Variants in NADSYN1 observed in about 807,000 individuals in gnomAD.
NADSYN1 encodes glutamine-dependent NAD(+) synthetase.
A neutral mutation model predicts 99.3 loss-of-function variants in NADSYN1; 80 were observed. The observed-to-expected ratio is 0.81, with a 90% CI of 0.67 to 0.97. The LOEUF (loss-of-function observed/expected upper bound fraction) is 0.97, where lower values mean the gene tolerates loss of function less well. NADSYN1 is among the 50% of genes least tolerant of loss of function. NADSYN1 has a pLI of 0.00. For missense variants in NADSYN1, 859 were observed against 948.5 expected (o/e 0.91, Z 1.24); for synonymous variants, 385 against 372.1 (o/e 1.03, Z -0.40).
intron 3 of NADSYN1, 67 bp from the exon 4 acceptor site, chr11:71,463,365 G>A (rs889910630): frequency 2.1e-5 from 29 of 1,394,900 alleles, no homozygotes; most frequent in Admixed American, 1.5e-4. Context: ...AGCTGCAGCC[G>A]CTGCCTCCAT....
At chr11:71,485,374 G>T (rs1229220213) in intron 15 of NADSYN1, 168 bp from the exon 16 acceptor site, 5 of 521,424 alleles carry the variant, frequency 9.6e-6, no homozygotes, top group Non-Finnish European at 1.7e-5. Context: ...GGACCACCCC[G>T]AGAGGAAGGC....
chr11:71,469,666 G>T (rs1949614374), intron 5 of NADSYN1, among the ~76,000 whole-genome samples: 1 of 152,204 alleles, frequency 6.6e-6, no homozygotes, highest in African/African-American at 2.4e-5. Flanking sequence ...CGCCTTAAGT[G>T]GTTTTCCGCC....
At chr11:71,489,174 G>A (rs1354670092) in intron 16 of NADSYN1, among the ~76,000 whole-genome samples, 1 of 152,110 alleles carries the variant, frequency 6.6e-6, no homozygotes, top group Non-Finnish European at 1.5e-5. Flanking sequence ...GATTTCAGCT[G>A]ATGGAAGTGA....
intron 16 of NADSYN1, among the ~76,000 whole-genome samples, chr11:71,489,360 C>T (rs1391968779): frequency 1.3e-5 from 2 of 152,116 alleles, no homozygotes; most frequent in East Asian, 3.9e-4. Flanking sequence ...CCCCTATAAC[C>T]GTGCCTCCCC....
rs775841366 is a variant in NADSYN1 at position 71,501,347 on chromosome 11, G to C, written c.2116G>C (p.Asp706His). Residue 706 changes from aspartate to histidine, a missense_variant, in exon 21 of 21, where the codon GAC becomes CAC. Transcript: ENST00000319023. ...RAEPQSLDGV[D>H] The stretch of plus-strand genomic sequence containing the variant: ...AGAGCCACAGTCCCTGGACGGCGTG[G>C]ACTGAGGCCGGTTCCTTCCTGGAGG... The C allele has an allele frequency of 6.2e-7, 1 of 1,605,754 alleles. No individual in the cohort carries two copies. The highest frequency in any genetic ancestry group is 8.5e-7 in the Non-Finnish European group (1 of 1,176,518).
Position 71,501,588 on chromosome 11 carries a change from T to A in NADSYN1, c.*236T>A. 1.9e-6 allele frequency: 1 copy of A among 531,598 alleles called. No individual in the cohort carries two copies. Among genetic ancestry groups the A allele is most frequent in the Non-Finnish European group, 3.3e-6 (1 of 301,346 alleles). The allele number at this position is 531,598 out of a possible 1,614,324, so 32.9% of individuals were successfully genotyped here. On this transcript the variant is annotated 3_prime_UTR_variant, in exon 21 of 21. Coordinates refer to ENST00000319023, the MANE Select transcript of NADSYN1 (RefSeq NM_018161.5). ...TTTTGACCTCCCGCCAGCGTGCGCT[T>A]CCCCGCGAAGTCTGGCATTCTCCGA...
At chr11:71,473,520 G>T in intron 7 of NADSYN1, 49 bp from the exon 8 acceptor site, 1 of 1,568,826 alleles carries the variant, frequency 6.4e-7, no homozygotes, top group South Asian at 1.1e-5. Context: ...AGGGAGGCTG[G>T]TTTGGAGGAG....
At chr11:71,472,881 C>T (rs1949636919) in intron 6 of NADSYN1, among the ~76,000 whole-genome samples, 1 of 152,250 alleles carries the variant, frequency 6.6e-6, no homozygotes, top group Admixed American at 6.5e-5. Context: ...GGAAGGCACC[C>T]TGGTGTCCCC....
intron 16 of NADSYN1, among the ~76,000 whole-genome samples, chr11:71,487,788 G>A (rs570420331): frequency 5.2e-5 from 7 of 133,730 alleles, no homozygotes; most frequent in African/African-American, 8.2e-5. Context: ...CCGAGTTCGC[G>A]CCACTGCACT....
intron 16 of NADSYN1, among the ~76,000 whole-genome samples, chr11:71,489,646 G>C (rs567365344): frequency 4.8e-4 from 73 of 152,380 alleles, no homozygotes; most frequent in African/African-American, 1.7e-3. Flanking sequence ...GACAGGGAGC[G>C]ATGGGGTGAC....
intron 14 of NADSYN1, 114 bp downstream of exon 14, chr11:71,483,131 A>T: frequency 7.7e-7 from 1 of 1,302,952 alleles, no homozygotes; most frequent in Non-Finnish European, 1.1e-6. Flanking sequence ...GCATCGTGTC[A>T]TCCACTATGT....
intron 4 of NADSYN1, 78 bp downstream of exon 4, chr11:71,463,563 G>C: frequency 7.1e-7 from 1 of 1,417,868 alleles, no homozygotes; most frequent in South Asian, 1.2e-5. Flanking sequence ...CAGGACCCGT[G>C]CTGGTGCCCT....
chr11:71,484,474 T>TG, intron 15 of NADSYN1, 27 bp downstream of exon 15: 1 of 1,598,982 alleles, frequency 6.3e-7, no homozygotes, highest in Non-Finnish European at 8.5e-7. Context: ...CGGCGTCCCC[T>TG]GGGGGTGGGG....
chr11:71,476,358 C>G (rs1467095970), intron 9 of NADSYN1: 1 of 351,516 alleles, frequency 2.8e-6, no homozygotes, highest in Non-Finnish European at 5.6e-6. Context: ...CTGGCGTCGC[C>G]GACTCTGCGA....
Position 71,463,482 on chromosome 11 carries a change from A to G in NADSYN1, c.314A>G (p.Asn105Ser), listed in dbSNP as rs1565597004. 2 of 1,613,764 alleles carry G rather than the reference A, an allele frequency of 1.2e-6. No homozygotes were observed. ...TACAACTGCAGAGTGATATTCCTCA[A>G]CAGGTAGGCCCCCTGCCCCCACCCC... is the stretch of plus-strand genomic sequence containing the variant. ...VRYNCRVIFL[N>S]RKILLIRPKM... The change falls in exon 4 of 21, where the codon AAC becomes AGC. Residue 105 changes from asparagine (N) to serine (S), a missense_variant. By Grantham distance (46) the Asn-to-Ser change is conservative (BLOSUM62 1). Coordinates refer to ENST00000319023, the MANE Select transcript of NADSYN1 (RefSeq NM_018161.5).
In NADSYN1 at chr11:71,455,111, T is replaced by A. The variant is rs186083022; in HGVS notation, c.87T>A (p.Ser29Arg). The A allele has an allele frequency of 6.2e-7, 1 of 1,612,826 alleles. No individual in the cohort carries two copies. The highest frequency in any genetic ancestry group is 2.2e-5 in the East Asian group (1 of 44,862). ...FEGNLQRILKSIEIAKNRGAR... is the reference protein window; with the variant it reads ...FEGNLQRILKRIEIAKNRGAR... ...TTCTTTTTCTCTCTGTACTTACAGG[T>A]ATTGAAATTGCCAAAAACAGAGGAG... Residue 29 changes from serine to arginine, a missense_variant and splice_region_variant, in exon 2 of 21, where the codon AGT (serine) becomes AGA (arginine). Physicochemically the swap from Ser to Arg is moderately radical, Grantham distance 110 (BLOSUM62 -1). Coordinates refer to ENST00000319023, the MANE Select transcript of NADSYN1 (RefSeq NM_018161.5).
At chr11:71,454,794 G>A (rs372546857) in intron 1 of NADSYN1, among the ~76,000 whole-genome samples, 56 of 152,136 alleles carry the variant, frequency 3.7e-4, no homozygotes, top group African/African-American at 1.3e-3. Flanking sequence ...CTCTTCCTCC[G>A]CCTCCTCCAT....
chr11:71,484,606 A>G (rs1949729965), intron 15 of NADSYN1, 159 bp downstream of exon 15: 14 of 1,094,838 alleles, frequency 1.3e-5, no homozygotes, highest in Non-Finnish European at 1.8e-5. Context: ...CACAGCCTGT[A>G]TGCCTCACTG....
At chr11:71,486,982 ATT>A (rs1336091937) in intron 16 of NADSYN1, among the ~76,000 whole-genome samples, 1 of 151,278 alleles carries the variant, frequency 6.6e-6, no homozygotes, top group East Asian at 2.0e-4. Flanking sequence ...ATTTTTTTGT[ATT>A]TTTAGTAGAG....
Sources: gnomAD v4.1 joint callset for allele counts (sites outside exome capture counted in the v4.1 genomes callset) on GRCh38, gnomAD v4.1.1 for gene constraint, MANE v1.5 for transcripts, NCBI Gene and HGNC (gene_info 2026-07-23, HGNC 2026-07-21) for gene names.